The following RRBP1 variants were observed in gnomAD, a reference collection of about 807,000 sequenced individuals.
RRBP1 encodes ribosome binding protein 1, also known as ribosome-binding protein 1.
Under a neutral mutation model 165.2 loss-of-function variants are expected in RRBP1, and 94 were observed. That is an observed-to-expected ratio of 0.57 (90% confidence interval 0.48 to 0.68). The LOEUF (loss-of-function observed/expected upper bound fraction) is 0.68, where lower values mean the gene tolerates loss of function less well. Ranked by LOEUF, RRBP1 falls within the 30% of genes least tolerant of loss-of-function variation. The pLI is 0.00. For synonymous variants in RRBP1, 680 were observed against 714.5 expected, an observed-to-expected ratio of 0.95 and a Z score of 0.77; for missense variants, 1,676 against 1,763.0, an observed-to-expected ratio of 0.95 and a Z score of 0.88.
chr20:17,615,296 A>ACAAGGGGAACCAGTGC, intron 23 of RRBP1, 135 bp downstream of exon 23: 1 of 667,190 alleles, frequency 1.5e-6, no homozygotes, highest in Non-Finnish European at 2.5e-6. Flanking sequence ...CCGGGTAGTG[A>ACAAGGGGAACCAGTGC]CAAGGGGAAC....
rs377725989 is a variant in RRBP1, at chr20:17,618,610, C to A, written c.3745G>T (p.Asp1249Tyr). 6.2e-7 allele frequency: 1 copy of A among 1,613,972 alleles called. No homozygotes were observed. Among genetic ancestry groups the A allele is most frequent in the South Asian group, 1.1e-5 (1 of 91,088 alleles). The part of the protein sequence containing the change: ...AAKSEAQKQS[D>Y]ELALVRQQLS... ...AGGCCACCTACCAGGGCAAGCTCAT[C>A]GCTCTGTTTCTGGGCTTCGCTCTTG... The change falls in exon 20 of 25, where the codon GAT (aspartate) becomes TAT (tyrosine). Residue 1249 changes from aspartate to tyrosine, a missense_variant. Physicochemically the swap from Asp to Tyr is radical, Grantham distance 160. This residue lies in a region of RRBP1 where 1,184 missense variants were observed against 1,167.1 expected (regional missense o/e 1.01). Coordinates refer to ENST00000377813, the MANE Select transcript of RRBP1 (RefSeq NM_001365613.2).
chr20:17,621,824 G>A, intron 14 of RRBP1, 31 bp downstream of exon 14: 1 of 1,611,770 alleles, frequency 6.2e-7, no homozygotes, highest in South Asian at 1.1e-5. Context: ...TGAGAACTGT[G>A]AGGTCCCCGG....
chr20:17,666,634 T>C (rs2122479961), intron 2 of RRBP1, among the ~76,000 whole-genome samples: 1 of 152,240 alleles, frequency 6.6e-6, no homozygotes, highest in East Asian at 1.9e-4. Flanking sequence ...CCAAACCATA[T>C]GATCTCATTT....
rs1016639087 is a variant in RRBP1, at chr20:17,614,942, T to C, written c.4051-62A>G. 25 of 1,572,744 alleles carry C rather than the reference T, an allele frequency of 1.6e-5. No individual in the cohort carries two copies. The Admixed American group carries it at 4.2e-4, about 27-fold the overall frequency. On this transcript the variant is annotated intron_variant, in intron 23 of 24. Coordinates refer to ENST00000377813, the MANE Select transcript of RRBP1 (RefSeq NM_001365613.2). ...ACCGGCAGGAGGGCCACCCCAGCTATGCCCACAGGACCCTGACGCCAGGGG... is the reference window on the plus strand; with the variant it reads ...ACCGGCAGGAGGGCCACCCCAGCTACGCCCACAGGACCCTGACGCCAGGGG...
chr20:17,633,616 G>T lies in RRBP1; in HGVS notation c.2457-3C>A, dbSNP rs1445255229. ...GCTTGGCCAGCTCTGCGTTCTGCCT[G>T]CAAGACAGTCACCAGCCCGACTAAT... On this transcript the variant is annotated splice_region_variant and splice_polypyrimidine_tract_variant and intron_variant, in intron 7 of 24. Transcript: ENST00000377813. 1 of 1,613,522 alleles carries T rather than the reference G, an allele frequency of 6.2e-7. No individual in the cohort carries two copies.
At chr20:17,675,663 C>T (rs1271880501) in intron 2 of RRBP1, among the ~76,000 whole-genome samples, 1 of 152,174 alleles carries the variant, frequency 6.6e-6, no homozygotes, top group East Asian at 1.9e-4. Context: ...TAGGGATATG[C>T]CAAAGTAGAC....
At chr20:17,637,803 G>T (rs1322858284) in intron 5 of RRBP1, among the ~76,000 whole-genome samples, 2 of 152,206 alleles carry the variant, frequency 1.3e-5, no homozygotes, top group African/African-American at 4.8e-5. Context: ...CTCTGCCCGG[G>T]GTGAGAGGCC....
rs2036727523 is a variant in RRBP1 at position 17,659,911 on chromosome 20, G to T, written c.597C>A (p.Gly199=). 6.4e-7 allele frequency: 1 copy of T among 1,562,912 alleles called. No homozygotes were observed. The highest frequency in any genetic ancestry group is 8.7e-7 in the Non-Finnish European group (1 of 1,152,358). ...GNTPATGTTQ[G]KKAEGTQNQS... ...GATTCTGAGTCCCCTCCGCCTTTTT[G>T]CCCTGAGTAGTGCCAGTGGCTGGTG... is the stretch of plus-strand genomic sequence containing the variant. The change falls in exon 3 of 25, where the codon GGC becomes GGA. Residue 199 remains glycine, a synonymous_variant. Transcript: ENST00000377813.
At chr20:17,681,560 T>C (rs1444625866) in intron 1 of RRBP1, among the ~76,000 whole-genome samples, 1 of 23,480 alleles carries the variant, frequency 4.3e-5, no homozygotes, top group African/African-American at 1.6e-4. Context: ...ACCCCACCCC[T>C]CCGGCCCGGA....
intron 20 of RRBP1, among the ~76,000 whole-genome samples, 155 bp downstream of exon 20, chr20:17,618,441 C>A (rs868118523): frequency 6.6e-6 from 1 of 152,218 alleles, no homozygotes; most frequent in Non-Finnish European, 1.5e-5. Flanking sequence ...TGCAGGAAGG[C>A]CCCCAGAAGC....
intron 2 of RRBP1, among the ~76,000 whole-genome samples, chr20:17,676,846 C>G (rs1168944161): frequency 6.6e-6 from 1 of 152,152 alleles, no homozygotes; most frequent in Non-Finnish European, 1.5e-5. Context: ...CTTCCAGGTT[C>G]AAATGATTCT....
chr20:17,639,100 G>A (rs539492903), intron 5 of RRBP1, among the ~76,000 whole-genome samples: 2 of 152,256 alleles, frequency 1.3e-5, no homozygotes, highest in African/African-American at 4.8e-5. Context: ...AGGTTCTGGT[G>A]CCCAGGAACA....
Position 17,659,814 on chromosome 20 carries a change from T to C in RRBP1, c.694A>G (p.Thr232Ala), listed in dbSNP as rs1010826767. Residue 232 changes from threonine to alanine, a missense_variant, in exon 3 of 25, where the codon ACA (threonine) becomes GCA (alanine). This residue lies in a region of RRBP1 where 392 missense variants were observed against 382.5 expected (regional missense o/e 1.02). Coordinates refer to ENST00000377813, the MANE Select transcript of RRBP1 (RefSeq NM_001365613.2). ...AEGTPNQGKKTEGTPNQGKKA... is the reference protein window; with the variant it reads ...AEGTPNQGKKAEGTPNQGKKA... Reference sequence around the variant, plus strand: ...TTCCCTTGGTTTGGGGTTCCCTCTGTCTTTTTGCCCTGGTTTGGGGTTCCC... The same window carrying C: ...TTCCCTTGGTTTGGGGTTCCCTCTGCCTTTTTGCCCTGGTTTGGGGTTCCC... 4.5e-6 allele frequency: 7 copies of C among 1,546,642 alleles called. No homozygotes were observed. Among genetic ancestry groups the C allele is most frequent in the East Asian group, 2.5e-5 (1 of 40,664 alleles).
intron 2 of RRBP1, among the ~76,000 whole-genome samples, chr20:17,661,432 C>G (rs1233780942): frequency 6.6e-6 from 1 of 152,158 alleles, no homozygotes; most frequent in South Asian, 2.1e-4. Flanking sequence ...TGTCAGCAGG[C>G]CCCTCTGTCA....
chr20:17,650,893 A>AT (rs564312190), intron 3 of RRBP1, among the ~76,000 whole-genome samples: 30 of 152,308 alleles, frequency 2.0e-4, no homozygotes, highest in East Asian at 5.8e-4. Context: ...ATAAAAATAG[A>AT]TTTTTTTAAA....
rs115833607 is a variant in RRBP1 at position 17,618,796 on chromosome 20, A to G, written c.3676-117T>C. ...ACACATCCACTTAACCAAAACCCTG[A>G]GGAGGGTCACAGCATCGGGCCGGCA... On this transcript the variant is annotated intron_variant, in intron 19 of 24. Transcript: ENST00000377813. The G allele has an allele frequency of 7.5e-3, 5,740 of 768,064 alleles. 187 individuals carry two copies. In the African/African-American group the frequency reaches 0.075, roughly 10 times the overall value. The allele number at this position is 768,064 out of a possible 1,614,324, so 47.6% of individuals were successfully genotyped here. A position where few individuals can be genotyped will look rare whatever the true frequency, so the allele number is the denominator to read the frequency against.
intron 3 of RRBP1, among the ~76,000 whole-genome samples, chr20:17,645,412 C>T (rs1467267662): frequency 6.6e-6 from 1 of 152,224 alleles, no homozygotes; most frequent in Non-Finnish European, 1.5e-5. Flanking sequence ...CGCAAAGCTG[C>T]GTACAGCAAA....
At position 17,641,848 on chromosome 20, in the gene RRBP1, T is replaced by C. The variant is rs754685638; in HGVS notation, c.2133A>G (p.Thr711=). ...QLEEKEKLLA[T]EQEDAAVAKS... is the part of the protein sequence containing the mutation. ...TGGCGACAGCCGCATCTTCCTGTTC[T>C]GTGGCCAGCAGTTTTTCCTTCTCTT... is the stretch of plus-strand genomic sequence containing the variant. The change falls in exon 5 of 25, where the codon ACA becomes ACG. Residue 711 remains threonine (T), a synonymous_variant. Coordinates refer to ENST00000377813, the MANE Select transcript of RRBP1 (RefSeq NM_001365613.2). The C allele has an allele frequency of 6.2e-7, 1 of 1,614,072 alleles. No homozygotes were observed. Among genetic ancestry groups the C allele is most frequent in the Non-Finnish European group, 8.5e-7 (1 of 1,180,004 alleles).
In RRBP1 at chr20:17,660,075, T is replaced by C. The variant is rs774771203; in HGVS notation, c.433A>G (p.Lys145Glu). The C allele has an allele frequency of 6.2e-7, 1 of 1,614,076 alleles. No individual in the cohort carries two copies. Among genetic ancestry groups the C allele is most frequent in the Admixed American group, 1.7e-5 (1 of 60,022 alleles). ...SPKDKKKKEK[K>E]VAKVEPAVSS... The stretch of plus-strand genomic sequence containing the variant: ...ACAGCTGGTTCCACTTTTGCCACTT[T>C]TTTCTCCTTCTTCTTTTTGTCCTTG... The change falls in exon 3 of 25, where the codon AAA becomes GAA. Residue 145 changes from lysine to glutamate, a missense_variant. By Grantham distance (56) the Lys-to-Glu change is moderately conservative (BLOSUM62 1). Transcript: ENST00000377813.
Sources: allele counts gnomAD v4.1 joint callset (sites outside exome capture counted in the v4.1 genomes callset), GRCh38; gene constraint gnomAD v4.1.1; regional missense constraint gnomAD v4.1.1; transcripts MANE v1.5; gene names NCBI Gene and HGNC (gene_info 2026-07-23, HGNC 2026-07-21).